RACGAP1: variants seen among roughly 807,000 people sequenced by gnomAD.
RACGAP1 encodes rac GTPase-activating protein 1.
In RACGAP1, 30 loss-of-function variants were observed where a neutral mutation model predicts 78.1. The observed-to-expected ratio is 0.38, with a 90% CI of 0.29 to 0.52. The LOEUF (loss-of-function observed/expected upper bound fraction) is 0.52, where lower values mean the gene tolerates loss of function less well. RACGAP1 is among the 20% of genes least tolerant of loss of function. The pLI, the probability that RACGAP1 is intolerant of heterozygous loss-of-function variation, is 0.82. For missense variants in RACGAP1, 587 were observed against 777.1 expected (o/e 0.76, Z 2.91); for synonymous variants, 231 against 264.8 (o/e 0.87, Z 1.24).
intron 12 of RACGAP1, among the ~76,000 whole-genome samples, chr12:49,993,746 TA>T (rs34663027): frequency 4.7e-4 from 61 of 130,568 alleles, no homozygotes; most frequent in African/African-American, 8.6e-4. Flanking sequence ...GACTCCGTCT[TA>T]AAAAAAAAAA....
At chr12:50,010,084 C>A (rs183788695) in intron 2 of RACGAP1, among the ~76,000 whole-genome samples, 1 of 152,268 alleles carries the variant, frequency 6.6e-6, no homozygotes, top group African/African-American at 2.4e-5. Context: ...CCTAGTATGT[C>A]ACTGGCACAC....
At position 49,989,691 on chromosome 12, in the gene RACGAP1, T is replaced by A. The variant is rs963826992; in HGVS notation, c.*577A>T. 1 of 152,354 alleles carries A rather than the reference T, an allele frequency of 6.6e-6. No homozygotes were observed. The highest frequency in any genetic ancestry group is 1.5e-5 in the Non-Finnish European group (1 of 68,160). The allele number at this position is 152,354 out of a possible 1,614,324, so 9.4% of individuals were successfully genotyped here. A position where few individuals can be genotyped will look rare whatever the true frequency, so the allele number is the denominator to read the frequency against. ...CAAATCAAAGCTACGCATACTCCCA[T>A]CACTAGTTCTGTCCTCAATGCATCC... On this transcript the variant is annotated 3_prime_UTR_variant, in exon 17 of 17. Transcript: ENST00000312377.
intron 1 of RACGAP1, chr12:50,017,022 C>T (rs918749181): frequency 1.8e-6 from 2 of 1,104,720 alleles, no homozygotes; most frequent in South Asian, 4.0e-5. Context: ...AAGTGACTGA[C>T]CAACAAGAAA....
upstream of RACGAP1, among the ~76,000 whole-genome samples, chr12:50,028,615 G>A (rs1177835911): frequency 1.4e-5 from 2 of 145,070 alleles, no homozygotes; most frequent in Admixed American, 6.9e-5. Context: ...CTAAAAATGC[G>A]AAAAAAATTA....
chr12:50,003,899 C>G (rs1592167272), intron 5 of RACGAP1, among the ~76,000 whole-genome samples: 1 of 152,176 alleles, frequency 6.6e-6, no homozygotes, highest in East Asian at 1.9e-4. Context: ...CAAATAAACC[C>G]TGACGACATA....
Position 50,016,659 on chromosome 12 carries a change from C to T in RACGAP1, c.57G>A (p.Val19=), listed in dbSNP as rs760781901. 6.2e-7 allele frequency: 1 copy of T among 1,614,032 alleles called. No individual in the cohort carries two copies. The highest frequency in any genetic ancestry group is 8.5e-7 in the Non-Finnish European group (1 of 1,180,022). The change falls in exon 2 of 17, where the codon GTG becomes GTA. Residue 19 remains valine, a synonymous_variant. Coordinates refer to ENST00000312377, the MANE Select transcript of RACGAP1 (RefSeq NM_001319999.2). ...CTTCATTTCCTTCACTGAGAATCTC[C>T]ACCCGGCGCACAAGCTGCTCAAACA... ...RNLFEQLVRR[V]EILSEGNEVQ...
intron 8 of RACGAP1, 77 bp from the exon 9 acceptor site, chr12:49,999,348 G>A: frequency 6.6e-7 from 1 of 1,506,288 alleles, no homozygotes; most frequent in East Asian, 2.3e-5. Flanking sequence ...ATTTTAACTG[G>A]GAGATAAACA....
chr12:50,002,133 T>C (rs1948720522), intron 6 of RACGAP1, 114 bp downstream of exon 6: 2 of 694,376 alleles, frequency 2.9e-6, no homozygotes. Flanking sequence ...ATCTGTAGTA[T>C]GTGCTTAACA....
chr12:50,001,164 A>G lies in RACGAP1; in HGVS notation c.630+8T>C, dbSNP rs778590143. ...TAATCTCTGTTACCTTGGCCTGACT[A>G]TTCTTACCTGGTCTACTGCAGAGCC... On this transcript the variant is annotated splice_region_variant and intron_variant, in intron 7 of 16. Transcript: ENST00000312377. The G allele has an allele frequency of 4.6e-5, 72 of 1,581,402 alleles. No homozygotes were observed. In the Admixed American group the frequency reaches 1.2e-3, roughly 26 times the overall value.
rs745722641 is a variant in RACGAP1 at position 49,998,570 on chromosome 12, T to C, written c.879+571A>G. ...AACATTTTGAAAATCTTAGGTGATA[T>C]ATTCAAGAAAAAATGTAAACATGTG... On this transcript the variant is annotated intron_variant, in intron 9 of 16. Transcript: ENST00000312377. Among the ~76,000 whole-genome samples, 101 of 151,956 alleles carry C rather than the reference T, an allele frequency of 6.6e-4. 1 individual carries two copies. The highest frequency in any genetic ancestry group is 6.6e-3 in the Admixed American group (101 of 15,244).
rs757349922 is a variant in RACGAP1 at position 49,990,323 on chromosome 12, G to A, written c.1844C>T (p.Ser615Phe). The A allele has an allele frequency of 1.2e-6, 2 of 1,613,640 alleles. No homozygotes were observed. The highest frequency in any genetic ancestry group is 4.5e-5 in the East Asian group (2 of 44,894). ...GCCTTGTCGTCCTAGGTTAGTGGCA[G>A]ACTTGCTTTTGCTCCCAAATCTACA... is the stretch of plus-strand genomic sequence containing the variant. ...NTPRFGSKSK[S>F]ATNLGRQGNF... Residue 615 changes from serine (S) to phenylalanine (F), a missense_variant, in exon 17 of 17, where the codon TCT (serine) becomes TTT (phenylalanine). Ser to Phe is a radical substitution (Grantham distance 155). Coordinates refer to ENST00000312377, the MANE Select transcript of RACGAP1 (RefSeq NM_001319999.2).
At chr12:50,015,933 CACTTCA>C (rs999633827) in intron 2 of RACGAP1, among the ~76,000 whole-genome samples, 8 of 150,594 alleles carry the variant, frequency 5.3e-5, no homozygotes, top group African/African-American at 2.0e-4. Context: ...GAATTTTTCC[CACTTCA>C]ACTGAAAATG....
At chr12:49,996,967 C>G in intron 10 of RACGAP1, 73 bp downstream of exon 10, 2 of 1,382,582 alleles carry the variant, frequency 1.4e-6, no homozygotes, top group Non-Finnish European at 9.5e-7. Flanking sequence ...AATTTTAGAA[C>G]AAAAACTGAC....
chr12:50,006,382 T>C (rs927239182), intron 3 of RACGAP1, 52 bp downstream of exon 3: 8 of 1,592,626 alleles, frequency 5.0e-6, no homozygotes, highest in South Asian at 4.4e-5. Flanking sequence ...TGTCAGACAA[T>C]GCCTTCCCCC....
chr12:50,007,624 A>G (rs990595408), intron 2 of RACGAP1, among the ~76,000 whole-genome samples: 5 of 152,220 alleles, frequency 3.3e-5, no homozygotes, highest in African/African-American at 1.2e-4. Context: ...TTCCCCTATG[A>G]ATTTAACCTA....
chr12:50,011,903 GAGA>G (rs1949356981), intron 2 of RACGAP1, among the ~76,000 whole-genome samples: 2 of 144,294 alleles, frequency 1.4e-5, no homozygotes, highest in Admixed American at 7.1e-5. Flanking sequence ...GCAGTGAGCC[GAGA>G]TCGTGCCACT....
At chr12:50,013,657 CT>C (rs1483307538) in intron 2 of RACGAP1, among the ~76,000 whole-genome samples, 1 of 152,222 alleles carries the variant, frequency 6.6e-6, no homozygotes, top group Non-Finnish European at 1.5e-5. Flanking sequence ...GTCACACCCC[CT>C]TACTCCTATT....
chr12:50,006,614 G>A lies in RACGAP1; in HGVS notation c.108C>T (p.Asp36=), dbSNP rs1321736584. Residue 36 remains aspartate (D), a synonymous_variant, in exon 3 of 17, where the codon GAC becomes GAT. Transcript: ENST00000312377. ...GCCACTTTTTACGGAAATCCTCAAA[G>A]TCCTTCGCCAACTGGATAAATTCTG... The part of the protein sequence containing the change: ...NEVQFIQLAK[D]FEDFRKKWQR... The A allele has an allele frequency of 6.2e-7, 1 of 1,614,130 alleles. No homozygotes were observed. Among genetic ancestry groups the A allele is most frequent in the Non-Finnish European group, 8.5e-7 (1 of 1,180,012 alleles).
Position 50,004,261 on chromosome 12 carries a change from T to C in RACGAP1, c.469A>G (p.Ser157Gly), listed in dbSNP as rs1475285148. Residue 157 changes from serine to glycine, a missense_variant, in exon 5 of 17, where the codon AGC (serine) becomes GGC (glycine). By Grantham distance (56) the Ser-to-Gly change is moderately conservative. Transcript: ENST00000312377. ...DESGSILSDISFDKTDESLDW... is the reference protein window; with the variant it reads ...DESGSILSDIGFDKTDESLDW... ...AGTGATTCATCAGTCTTGTCAAAGC[T>C]GATATCTGATAAAATGGAACCAGAT... 1.2e-6 allele frequency: 2 copies of C among 1,606,488 alleles called. No homozygotes were observed. The highest frequency in any genetic ancestry group is 3.3e-5 in the Admixed American group (2 of 59,950).
Sources: gnomAD v4.1 joint callset for allele counts (sites outside exome capture counted in the v4.1 genomes callset) on GRCh38, gnomAD v4.1.1 for gene constraint, MANE v1.5 for transcripts, NCBI Gene and HGNC (gene_info 2026-07-23, HGNC 2026-07-21) for gene names.